ASAP1: variants seen among roughly 807,000 people sequenced by gnomAD.
ASAP1 encodes ArfGAP with SH3 domain, ankyrin repeat and PH domain 1, also known as arf-GAP with SH3 domain, ANK repeat and PH domain-containing protein 1.
In ASAP1, 43 loss-of-function variants were observed where a neutral mutation model predicts 145.2. The observed-to-expected ratio is 0.30, with a 90% CI of 0.23 to 0.38. ASAP1 has a LOEUF of 0.38. Among genes scored for constraint, ASAP1 ranks in the 10% least tolerant of loss-of-function variants. The pLI, the probability that ASAP1 is intolerant of heterozygous loss-of-function variation, is 1.00. For missense variants in ASAP1, 1,018 were observed against 1,355.3 expected, an observed-to-expected ratio of 0.75 and a Z score of 3.91; for synonymous variants, 546 against 515.5, an observed-to-expected ratio of 1.06 and a Z score of -0.80.
intron 9 of ASAP1, among the ~76,000 whole-genome samples, chr8:130,175,751 T>C (rs1813906587): frequency 6.6e-6 from 1 of 152,226 alleles, no homozygotes; most frequent in African/African-American, 2.4e-5. Context: ...TGAATGAACA[T>C]GACTTTGAGC....
At chr8:130,208,226 T>C (rs1363857770) in intron 5 of ASAP1, among the ~76,000 whole-genome samples, 1 of 152,164 alleles carries the variant, frequency 6.6e-6, no homozygotes, top group Non-Finnish European at 1.5e-5. Flanking sequence ...AAACAGACAC[T>C]GGTGCAAGAC....
At chr8:130,064,893 ATG>A (rs34905534) in intron 27 of ASAP1, among the ~76,000 whole-genome samples, 12,840 of 142,346 alleles carry the variant, frequency 0.09, 574 homozygotes, top group Admixed American at 0.11. Context: ...TTTACTAAGA[ATG>A]TGTGTGTGTG....
chr8:130,253,410 T>C (rs1819322909), intron 3 of ASAP1, among the ~76,000 whole-genome samples: 1 of 152,230 alleles, frequency 6.6e-6, no homozygotes, highest in Non-Finnish European at 1.5e-5. Flanking sequence ...TGCAGATGCA[T>C]ACGCTTTGAT....
chr8:130,338,636 G>A (rs1435538141), intron 3 of ASAP1, among the ~76,000 whole-genome samples: 1 of 152,154 alleles, frequency 6.6e-6, no homozygotes, highest in Non-Finnish European at 1.5e-5. Flanking sequence ...GCAATGGGGT[G>A]TGCTGGAAAA....
intron 3 of ASAP1, among the ~76,000 whole-genome samples, chr8:130,301,906 AAAG>A (rs1395658274): frequency 1.3e-5 from 2 of 152,256 alleles, no homozygotes; most frequent in Admixed American, 1.3e-4. Flanking sequence ...GATAATCTTC[AAAG>A]AAGTAGAATG....
At chr8:130,087,743 T>A (rs2097496815) in intron 25 of ASAP1, among the ~76,000 whole-genome samples, 1 of 152,118 alleles carries the variant, frequency 6.6e-6, no homozygotes, top group Non-Finnish European at 1.5e-5. Context: ...CCACATTTAA[T>A]GTTAGGCAAG....
intron 27 of ASAP1, among the ~76,000 whole-genome samples, chr8:130,065,149 G>A (rs1375657109): frequency 6.6e-6 from 1 of 152,102 alleles, no homozygotes; most frequent in Non-Finnish European, 1.5e-5. Context: ...TAAGCGCTGG[G>A]ATTACAGGTC....
At chr8:130,158,722 G>A (rs374613658) in intron 12 of ASAP1, among the ~76,000 whole-genome samples, 1 of 151,956 alleles carries the variant, frequency 6.6e-6, no homozygotes, top group East Asian at 1.9e-4. Flanking sequence ...TTAAGCAGGC[G>A]AATGACATCA....
intron 8 of ASAP1, among the ~76,000 whole-genome samples, chr8:130,179,986 T>TGAGA (rs938653472): frequency 9.1e-6 from 1 of 110,366 alleles, no homozygotes; most frequent in East Asian, 2.4e-4. Flanking sequence ...AGAAAGAGAA[T>TGAGA]GAGAGAGAGA....
chr8:130,211,466 T>C (rs1816577385), intron 5 of ASAP1, among the ~76,000 whole-genome samples: 1 of 152,222 alleles, frequency 6.6e-6, no homozygotes, highest in Non-Finnish European at 1.5e-5. Context: ...ATGGTTGAGA[T>C]AGTTACCATC....
intron 13 of ASAP1, among the ~76,000 whole-genome samples, chr8:130,142,612 C>T (rs1200625011): frequency 6.6e-6 from 1 of 152,160 alleles, no homozygotes; most frequent in Non-Finnish European, 1.5e-5. Flanking sequence ...CAAGGGTGTG[C>T]ACCAAAGATG....
intron 20 of ASAP1, among the ~76,000 whole-genome samples, chr8:130,117,420 C>T (rs2097558020): frequency 6.6e-6 from 1 of 152,168 alleles, no homozygotes; most frequent in African/African-American, 2.4e-5. Context: ...AGCCACTATG[C>T]TATATTGTCT....
At chr8:130,264,101 C>A (rs965763429) in intron 3 of ASAP1, among the ~76,000 whole-genome samples, 1 of 152,146 alleles carries the variant, frequency 6.6e-6, no homozygotes, top group African/African-American at 2.4e-5. Flanking sequence ...AACAGAGAGA[C>A]ACAACACACA....
intron 2 of ASAP1, among the ~76,000 whole-genome samples, chr8:130,400,095 C>G (rs1022964027): frequency 6.6e-6 from 1 of 152,198 alleles, no homozygotes; most frequent in Admixed American, 6.5e-5. Flanking sequence ...GCTGGGATTA[C>G]AGGCGTGAGC....
intron 11 of ASAP1, among the ~76,000 whole-genome samples, chr8:130,163,391 CT>C (rs2097673664): frequency 6.6e-6 from 1 of 152,204 alleles, no homozygotes. Context: ...GAATAACAAA[CT>C]CCTCGGAGTG....
intron 1 of ASAP1, among the ~76,000 whole-genome samples, chr8:130,402,972 CAG>C (rs1390361931): frequency 4.0e-5 from 6 of 150,826 alleles, no homozygotes; most frequent in African/African-American, 1.5e-4. Context: ...GACATAAAAA[CAG>C]AGAAGTGTAT....
At chr8:130,063,508 C>T (rs1254884352) in intron 27 of ASAP1, among the ~76,000 whole-genome samples, 1 of 152,136 alleles carries the variant, frequency 6.6e-6, no homozygotes, top group Non-Finnish European at 1.5e-5. Context: ...CTGGCCAGGG[C>T]CTCAGGGTAC....
chr8:130,115,781 A>G (rs1381814852), intron 22 of ASAP1, 46 bp from the exon 23 acceptor site: 2 of 1,350,088 alleles, frequency 1.5e-6, no homozygotes, highest in East Asian at 4.6e-5. Context: ...AAATGCTGAA[A>G]CATCCCAATA....
chr8:130,414,752 T>C (rs1336573487), intron 1 of ASAP1, among the ~76,000 whole-genome samples: 2 of 151,652 alleles, frequency 1.3e-5, no homozygotes, highest in South Asian at 2.1e-4. Context: ...TGTTCACTTC[T>C]ATAACTCTTT....
Sources: allele counts gnomAD v4.1 joint callset (sites outside exome capture counted in the v4.1 genomes callset), GRCh38; gene constraint gnomAD v4.1.1; transcripts MANE v1.5; gene names NCBI Gene and HGNC (gene_info 2026-07-23, HGNC 2026-07-21).